Variants in LRP1B observed in about 807,000 individuals in gnomAD.
LRP1B encodes LDL receptor related protein 1B, also known as low-density lipoprotein receptor-related protein 1B.
In LRP1B, 217 loss-of-function variants were observed where a neutral mutation model predicts 556.6. The observed-to-expected ratio is 0.39, with a 90% CI of 0.35 to 0.44. The LOEUF (loss-of-function observed/expected upper bound fraction) is 0.44. LRP1B is among the 20% of genes least tolerant of loss of function. The pLI, the probability that LRP1B is intolerant of heterozygous loss-of-function variation, is 1.00. For synonymous variants in LRP1B, 2,047 were observed against 1,865.8 expected, an observed-to-expected ratio of 1.10 and a Z score of -2.50; for missense variants, 5,053 against 5,620.8, an observed-to-expected ratio of 0.90 and a Z score of 3.23.
At chr2:141,013,481 G>T (rs1697813687) in intron 14 of LRP1B, 75 bp downstream of exon 14, 2 of 1,214,726 alleles carry the variant, frequency 1.6e-6, no homozygotes, top group East Asian at 2.6e-5. Context: ...ACACTGTCAA[G>T]ATAAATCTTT....
chr2:140,364,856 T>C (rs1682680928), intron 71 of LRP1B, 73 bp from the exon 72 acceptor site: 2 of 1,400,904 alleles, frequency 1.4e-6, no homozygotes, highest in African/African-American at 1.4e-5. Flanking sequence ...CATATTCTTC[T>C]GAATCTTAGC....
chr2:140,445,789 C>T (rs903337314), intron 63 of LRP1B, among the ~76,000 whole-genome samples: 1 of 152,006 alleles, frequency 6.6e-6, no homozygotes, highest in Admixed American at 6.6e-5. Context: ...CCTAAGGATG[C>T]ACAACTTTTA....
intron 7 of LRP1B, among the ~76,000 whole-genome samples, chr2:141,145,527 T>G (rs969452571): frequency 6.9e-6 from 1 of 145,288 alleles, no homozygotes; most frequent in African/African-American, 2.7e-5. Flanking sequence ...TTTTATTTTT[T>G]AATTAAACTT....
At chr2:140,399,473 T>C (rs1304018058) in intron 66 of LRP1B, among the ~76,000 whole-genome samples, 2 of 152,196 alleles carry the variant, frequency 1.3e-5, no homozygotes, top group Non-Finnish European at 2.9e-5. Context: ...TTTCTTATAT[T>C]TTCCTCCCTA....
chr2:140,325,882 C>A lies in LRP1B; in HGVS notation c.12224-4G>T, dbSNP rs771838316. 9 of 1,553,314 alleles carry A rather than the reference C, an allele frequency of 5.8e-6. No individual in the cohort carries two copies. The highest frequency in any genetic ancestry group is 5.3e-6 in the Non-Finnish European group (6 of 1,126,630). On this transcript the variant is annotated splice_polypyrimidine_tract_variant and splice_region_variant and intron_variant, in intron 79 of 90. Coordinates refer to ENST00000389484, the MANE Select transcript of LRP1B (RefSeq NM_018557.3). ...CTAAAATAATCCACAGCCAAACCTGCAAAATCAACACACACAAGACAAATA... is the reference window on the plus strand; with the variant it reads ...CTAAAATAATCCACAGCCAAACCTGAAAAATCAACACACACAAGACAAATA...
At chr2:141,468,170 T>G (rs1682317010) in intron 3 of LRP1B, among the ~76,000 whole-genome samples, 1 of 152,158 alleles carries the variant, frequency 6.6e-6, no homozygotes, top group Admixed American at 6.5e-5. Context: ...AACATATTCC[T>G]CTTGGTTCTG....
At chr2:141,166,375 T>C (rs1680258005) in intron 7 of LRP1B, among the ~76,000 whole-genome samples, 2 of 151,308 alleles carry the variant, frequency 1.3e-5, no homozygotes, top group South Asian at 4.2e-4. Flanking sequence ...TTCTTTTTTT[T>C]TTTTTTTTTA....
rs2105456268 is a variant in LRP1B, at chr2:141,055,264, A to G, written c.1409-5T>C. 6.2e-7 allele frequency: 1 copy of G among 1,602,612 alleles called. No homozygotes were observed. The highest frequency in any genetic ancestry group is 8.5e-7 in the Non-Finnish European group (1 of 1,174,888). On this transcript the variant is annotated splice_polypyrimidine_tract_variant and splice_region_variant and intron_variant, in intron 9 of 90. Coordinates refer to ENST00000389484, the MANE Select transcript of LRP1B (RefSeq NM_018557.3). ...CTTCACATGCATGGCTTCTGACTAC[A>G]ACAAATAAAAAACAGCATGCGTGAA...
At chr2:140,699,782 C>A (rs892747768) in intron 41 of LRP1B, among the ~76,000 whole-genome samples, 13 of 146,606 alleles carry the variant, frequency 8.9e-5, no homozygotes, top group South Asian at 2.1e-4. Context: ...CATGATATAT[C>A]ATATATAATA....
chr2:140,597,477 A>G (rs550907245), intron 43 of LRP1B, among the ~76,000 whole-genome samples: 2 of 152,316 alleles, frequency 1.3e-5, no homozygotes, highest in South Asian at 4.1e-4. Flanking sequence ...TCTTTTCAAA[A>G]GCATTATATA....
chr2:141,395,411 T>C (rs552145935), intron 3 of LRP1B, among the ~76,000 whole-genome samples: 3 of 152,282 alleles, frequency 2.0e-5, no homozygotes, highest in South Asian at 2.1e-4. Flanking sequence ...TAAAGTAATA[T>C]GTTATACAGT....
intron 2 of LRP1B, among the ~76,000 whole-genome samples, chr2:141,603,425 G>A (rs1253842548): frequency 6.6e-6 from 1 of 152,074 alleles, no homozygotes; most frequent in African/African-American, 2.4e-5. Flanking sequence ...GTTCTCCTTG[G>A]AGATTTATGT....
At chr2:141,643,903 G>A (rs189546903) in intron 2 of LRP1B, among the ~76,000 whole-genome samples, 97 of 152,098 alleles carry the variant, frequency 6.4e-4, no homozygotes, top group Non-Finnish European at 1.1e-3. Flanking sequence ...ACCTTATAGG[G>A]CTGCTGCAAG....
chr2:141,571,765 C>G (rs1204852613), intron 2 of LRP1B, among the ~76,000 whole-genome samples: 1 of 152,036 alleles, frequency 6.6e-6, no homozygotes, highest in Non-Finnish European at 1.5e-5. Flanking sequence ...AAACACAATA[C>G]AAGATCTTCG....
chr2:140,832,781 G>A (rs769319842), intron 31 of LRP1B, among the ~76,000 whole-genome samples: 11 of 152,142 alleles, frequency 7.2e-5, no homozygotes, highest in African/African-American at 1.7e-4. Flanking sequence ...TTGGACAATC[G>A]GTACAAAAGT....
chr2:141,267,870 G>A (rs1441894168), intron 3 of LRP1B, among the ~76,000 whole-genome samples: 1 of 152,152 alleles, frequency 6.6e-6, no homozygotes, highest in Admixed American at 6.5e-5. Context: ...TAGCAGTTGG[G>A]TTAGCGGAGG....
rs1467943353 is a variant in LRP1B, at chr2:141,350,648, A to G, written c.344-96007T>C. Among the ~76,000 whole-genome samples, 2 of 152,086 alleles carry G rather than the reference A, an allele frequency of 1.3e-5. 1 individual carries two copies. The highest frequency in any genetic ancestry group is 4.8e-5 in the African/African-American group (2 of 41,408). On this transcript the variant is annotated intron_variant, in intron 3 of 90. Coordinates refer to ENST00000389484, the MANE Select transcript of LRP1B (RefSeq NM_018557.3). ...TGGAATATTTTGTAACCATCGTATCACTCACACTTTGGAAGTAAATTGAGG... is the reference window on the plus strand; with the variant it reads ...TGGAATATTTTGTAACCATCGTATCGCTCACACTTTGGAAGTAAATTGAGG...
intron 41 of LRP1B, among the ~76,000 whole-genome samples, chr2:140,644,401 CTT>C (rs34828807): frequency 1.3e-4 from 17 of 132,784 alleles, no homozygotes; most frequent in Admixed American, 2.3e-4. Context: ...TTTCTTTTTT[CTT>C]TTTTTTTTTT....
At chr2:141,723,028 C>T (rs1181023656) in intron 2 of LRP1B, among the ~76,000 whole-genome samples, 2 of 151,644 alleles carry the variant, frequency 1.3e-5, no homozygotes, top group African/African-American at 2.4e-5. Flanking sequence ...TTTATTATTG[C>T]CTACTTGCAT....
Sources: gnomAD v4.1 joint callset for allele counts (sites outside exome capture counted in the v4.1 genomes callset) on GRCh38, gnomAD v4.1.1 for gene constraint, MANE v1.5 for transcripts, NCBI Gene and HGNC (gene_info 2026-07-23, HGNC 2026-07-21) for gene names.